Variants in SV2C observed in about 807,000 individuals in gnomAD.
The protein encoded by SV2C is synaptic vesicle glycoprotein 2C, also known as solute carrier family 22 member B3.
SV2C carries 49 observed loss-of-function variants against 79.7 expected under a neutral mutation model. The observed-to-expected ratio is 0.61, with a 90% CI of 0.49 to 0.78. SV2C has a LOEUF of 0.78. Ranked by LOEUF, SV2C falls within the 30% of genes least tolerant of loss-of-function variation. The pLI, the probability that SV2C is intolerant of heterozygous loss-of-function variation, is 0.00. For missense variants in SV2C, 833 were observed against 912.9 expected (o/e 0.91, Z 1.13); for synonymous variants, 334 against 333.2 (o/e 1.00, Z -0.03).
At chr5:76,035,648 G>T in the SV2C span, among the ~76,000 whole-genome samples, 1 of 152,124 alleles carries the variant, frequency 6.6e-6, no homozygotes, top group Non-Finnish European at 1.5e-5. Context: ...CATTTCCTGA[G>T]GAGAGGTTTA....
At chr5:75,958,134 A>G in the SV2C span, among the ~76,000 whole-genome samples, 1 of 152,000 alleles carries the variant, frequency 6.6e-6, no homozygotes, top group Non-Finnish European at 1.5e-5. Flanking sequence ...AAGTCATGCC[A>G]TCTGCATCAG....
chr5:76,034,846 C>G, the SV2C span, among the ~76,000 whole-genome samples: 2 of 152,152 alleles, frequency 1.3e-5, no homozygotes, highest in African/African-American at 2.4e-5. Flanking sequence ...CCATGTACCT[C>G]TGGTAGAATT....
chr5:76,049,326 A>G, the SV2C span, among the ~76,000 whole-genome samples: 3 of 148,248 alleles, frequency 2.0e-5, no homozygotes, highest in Non-Finnish European at 3.0e-5. Flanking sequence ...GACAGAGCGA[A>G]AAAAAAAAAA....
At chr5:76,236,846 C>T (rs1745631030) in intron 4 of SV2C, among the ~76,000 whole-genome samples, 1 of 152,294 alleles carries the variant, frequency 6.6e-6, no homozygotes, top group African/African-American at 2.4e-5. Flanking sequence ...ATTGTAATCC[C>T]CATAATCCCC....
intron 1 of SV2C, among the ~76,000 whole-genome samples, chr5:76,106,722 T>C (rs1340983062): frequency 1.3e-5 from 2 of 152,208 alleles, no homozygotes; most frequent in African/African-American, 4.8e-5. Context: ...AGTCATTGCC[T>C]GAATCTCATC....
At chr5:76,114,067 C>T (rs1259370316) in intron 1 of SV2C, among the ~76,000 whole-genome samples, 1 of 152,202 alleles carries the variant, frequency 6.6e-6, no homozygotes, top group African/African-American at 2.4e-5. Flanking sequence ...AATGAATGCT[C>T]CAGTTCTCAT....
chr5:76,341,332 G>T lies in SV2C; in HGVS notation c.2001-11798G>T, dbSNP rs181490734. Among the ~76,000 whole-genome samples the T allele has an allele frequency of 3.9e-4, 60 of 152,278 alleles. 1 individual carries two copies. Among genetic ancestry groups the T allele is most frequent in the Admixed American group, 3.1e-3 (47 of 15,282 alleles). On this transcript the variant is annotated intron_variant, in intron 12 of 12. Coordinates refer to the SV2C transcript ENST00000322285. ...GCAGGTGGATTGCTTGAGCCCAGGA[G>T]TTCAAGACCAGCCTGAACAGCATCC...
At chr5:75,993,641 G>T in the SV2C span, among the ~76,000 whole-genome samples, 9,318 of 152,120 alleles carry the variant, frequency 0.061, 376 homozygotes, top group Middle Eastern at 0.13. Flanking sequence ...AACTTTGCTT[G>T]TAGGAACAGA....
At chr5:76,290,901 C>G (rs1163104445) in intron 6 of SV2C, among the ~76,000 whole-genome samples, 1 of 152,214 alleles carries the variant, frequency 6.6e-6, no homozygotes, top group African/African-American at 2.4e-5. Context: ...TCTAACTTAT[C>G]TGGATGTTTT....
chr5:76,112,476 G>A (rs1476236551), intron 1 of SV2C, among the ~76,000 whole-genome samples: 1 of 152,216 alleles, frequency 6.6e-6, no homozygotes, highest in Non-Finnish European at 1.5e-5. Context: ...GGAGGCAGGC[G>A]AGGCCTTGTG....
At chr5:76,067,935 T>C in the SV2C span, among the ~76,000 whole-genome samples, 519 of 152,278 alleles carry the variant, frequency 3.4e-3, 8 homozygotes, top group African/African-American at 0.012. Context: ...CATGTGTCTA[T>C]ATTCAGCCAT....
the SV2C span, among the ~76,000 whole-genome samples, chr5:76,068,298 G>A: frequency 0.19 from 29,473 of 151,972 alleles, 3,189 homozygotes; most frequent in East Asian, 0.44. Context: ...CATATATTGA[G>A]ATACAATCAT....
At chr5:75,916,289 C>T in the SV2C span, among the ~76,000 whole-genome samples, 7,844 of 146,278 alleles carry the variant, frequency 0.054, 285 homozygotes, top group Admixed American at 0.075. Flanking sequence ...CCTCCTCCTC[C>T]TCCCCTTCCC....
chr5:76,123,147 G>T (rs550774544), intron 1 of SV2C, among the ~76,000 whole-genome samples: 2 of 152,148 alleles, frequency 1.3e-5, no homozygotes, highest in African/African-American at 2.4e-5. Flanking sequence ...TAAATTCGTC[G>T]ACACATACAC....
chr5:76,002,659 C>A, the SV2C span, among the ~76,000 whole-genome samples: 1 of 152,038 alleles, frequency 6.6e-6, no homozygotes, highest in African/African-American at 2.4e-5. Flanking sequence ...AGGGTGAAGC[C>A]TCTTTGTGCA....
chr5:76,093,778 T>G (rs1383039806), intron 1 of SV2C, among the ~76,000 whole-genome samples: 1 of 150,048 alleles, frequency 6.7e-6, no homozygotes, highest in African/African-American at 2.5e-5. Flanking sequence ...GCCAAGAAAC[T>G]CATTGGAGAA....
intron 4 of SV2C, among the ~76,000 whole-genome samples, chr5:76,214,014 G>T (rs1056322024): frequency 6.6e-6 from 1 of 152,022 alleles, no homozygotes; most frequent in African/African-American, 2.4e-5. Context: ...TGCCTTCCAG[G>T]TTCATTCATG....
At chr5:75,904,766 C>T in the SV2C span, among the ~76,000 whole-genome samples, 19 of 152,272 alleles carry the variant, frequency 1.2e-4, no homozygotes, top group East Asian at 1.5e-3. Context: ...GTCTACAATG[C>T]GAAAACTGAC....
At chr5:76,339,198 C>G (rs140844610) in intron 12 of SV2C, among the ~76,000 whole-genome samples, 1 of 152,108 alleles carries the variant, frequency 6.6e-6, no homozygotes, top group African/African-American at 2.4e-5. Flanking sequence ...TTTAAAAAAA[C>G]TGATAAATTC....
Sources: gnomAD v4.1 joint callset for allele counts (sites outside exome capture counted in the v4.1 genomes callset) on GRCh38, gnomAD v4.1.1 for gene constraint, MANE v1.5 for transcripts, NCBI Gene and HGNC (gene_info 2026-07-23, HGNC 2026-07-21) for gene names.